HDAC9: variants seen among roughly 807,000 people sequenced by gnomAD.
The protein encoded by HDAC9 is MEF-2 interacting transcription repressor (MITR) protein.
HDAC9 carries 41 observed loss-of-function variants against 139.4 expected under a neutral mutation model. That is an observed-to-expected ratio of 0.29 (90% CI 0.23 to 0.38). The LOEUF is 0.38. HDAC9 is among the 10% of genes least tolerant of loss of function. The probability of loss-of-function intolerance (pLI) is 1.00; values close to 1 mark genes in which losing one functional copy is unlikely to be tolerated. For synonymous variants in HDAC9, 517 were observed against 476.2 expected, an observed-to-expected ratio of 1.09 and a Z score of -1.12; for missense variants, 1,147 against 1,297.0, an observed-to-expected ratio of 0.88 and a Z score of 1.78.
intron 24 of HDAC9, among the ~76,000 whole-genome samples, chr7:18,954,740 T>A (rs1321873507): frequency 6.6e-6 from 1 of 152,040 alleles, no homozygotes; most frequent in Non-Finnish European, 1.5e-5. Context: ...TAAGCACACA[T>A]GGGTGCACAC....
At chr7:18,919,899 G>T (rs1402116945) in intron 22 of HDAC9, among the ~76,000 whole-genome samples, 1 of 152,038 alleles carries the variant, frequency 6.6e-6, no homozygotes, top group Non-Finnish European at 1.5e-5. Flanking sequence ...AGTTACTGTA[G>T]CCTTGTAGTA....
At chr7:18,627,193 C>T (rs1031555556) in intron 6 of HDAC9, among the ~76,000 whole-genome samples, 6 of 152,216 alleles carry the variant, frequency 3.9e-5, no homozygotes, top group Non-Finnish European at 7.3e-5. Flanking sequence ...ACTGAATTCA[C>T]ATCCCTCAAT....
At chr7:18,129,062 T>C (rs1784849137) in intron 1 of HDAC9, among the ~76,000 whole-genome samples, 1 of 152,150 alleles carries the variant, frequency 6.6e-6, no homozygotes, top group African/African-American at 2.4e-5. Flanking sequence ...CTTTCAAATA[T>C]GTTAAAGAGA....
chr7:18,728,509 T>C (rs565673494), intron 13 of HDAC9, among the ~76,000 whole-genome samples: 88 of 152,304 alleles, frequency 5.8e-4, no homozygotes, highest in African/African-American at 2.0e-3. Context: ...TAATTATTTC[T>C]TTTTGTGTAC....
intron 9 of HDAC9, 138 bp from the exon 10 acceptor site, chr7:18,647,647 T>C: frequency 1.5e-6 from 1 of 651,750 alleles, no homozygotes; most frequent in East Asian, 2.8e-5. Flanking sequence ...AAAAGTCCAT[T>C]TTCCCTGCTC....
At chr7:18,967,970 C>T (rs1269835404) in intron 24 of HDAC9, among the ~76,000 whole-genome samples, 2 of 151,838 alleles carry the variant, frequency 1.3e-5, no homozygotes, top group South Asian at 2.1e-4. Flanking sequence ...TGAGACCAGC[C>T]TGACCAACTT....
Position 18,899,506 on chromosome 7 carries a change from A to G in HDAC9, c.2803+24910A>G, listed in dbSNP as rs547318178. ...AATAGTAAGTTTCAACTATGTAACA[A>G]TTAAATAGATCGTACTTCAAAAATT... On this transcript the variant is annotated intron_variant, in intron 22 of 25. Coordinates refer to ENST00000686413, the MANE Select transcript of HDAC9 (RefSeq NM_178425.4). 12 of 152,186 alleles carry G rather than the reference A, an allele frequency of 7.9e-5. No individual in the cohort carries two copies. In the South Asian group the frequency reaches 2.5e-3, roughly 32 times the overall value. The allele number at this position is 152,186 out of a possible 1,614,324, so 9.4% of individuals were successfully genotyped here.
At chr7:18,726,440 A>G (rs1178125) in intron 12 of HDAC9, among the ~76,000 whole-genome samples, 131,542 of 152,170 alleles carry the variant, frequency 0.86, 57,077 homozygotes, top group East Asian at 0.96. Context: ...TGCTAGTCAG[A>G]TAGGAAGCAG....
chr7:18,109,992 G>A (rs1309191946), intron 1 of HDAC9, among the ~76,000 whole-genome samples: 2 of 152,102 alleles, frequency 1.3e-5, no homozygotes, highest in African/African-American at 4.8e-5. Context: ...CCTCAGATCT[G>A]CTCAGAATGA....
intron 1 of HDAC9, among the ~76,000 whole-genome samples, chr7:18,113,488 A>T (rs1399690237): frequency 6.6e-6 from 1 of 152,246 alleles, no homozygotes; most frequent in Non-Finnish European, 1.5e-5. Flanking sequence ...AGATGATCAG[A>T]AATGGGATAT....
At chr7:18,739,703 A>T (rs1787267953) in intron 13 of HDAC9, among the ~76,000 whole-genome samples, 1 of 152,182 alleles carries the variant, frequency 6.6e-6, no homozygotes, top group African/African-American at 2.4e-5. Flanking sequence ...GATGTCTCCC[A>T]GTTTGGCTAC....
intron 17 of HDAC9, among the ~76,000 whole-genome samples, chr7:18,807,715 C>T (rs1225602420): frequency 6.6e-6 from 1 of 151,884 alleles, no homozygotes; most frequent in African/African-American, 2.4e-5. Context: ...GCTTAATTGT[C>T]ACATATTTGT....
At position 18,431,393 on chromosome 7, in the gene HDAC9, C is replaced by T. The variant is rs537847176; in HGVS notation, c.-41-64869C>T. Among the ~76,000 whole-genome samples the T allele has an allele frequency of 3.5e-4, 54 of 152,228 alleles. 1 individual carries two copies. In the South Asian group the frequency reaches 0.01, roughly 29 times the overall value. ...GATGAAGTCATGAGAACTAGGGAAA[C>T]GACTGCCATAATGTAGTCACATCAT... On this transcript the variant is annotated intron_variant, in intron 1 of 3. Transcript: ENST00000413509.
chr7:18,191,899 T>C lies in HDAC9; in HGVS notation c.25+29550T>C, dbSNP rs138905747. Among the ~76,000 whole-genome samples the C allele has an allele frequency of 4.8e-3, 728 of 152,352 alleles. 8 individuals carry two copies. Among genetic ancestry groups the C allele is most frequent in the African/African-American group, 0.017 (705 of 41,586 alleles). On this transcript the variant is annotated intron_variant, in intron 2 of 12. Coordinates refer to the HDAC9 transcript ENST00000417496. ...TGAAATCATTGACAAGCACAAATAC[T>C]GTTAGATTCTATGTCAAGATTGTAT...
intron 1 of HDAC9, among the ~76,000 whole-genome samples, chr7:18,477,406 C>CGTGTGTGTGTGT (rs879309051): frequency 9.9e-5 from 15 of 151,946 alleles, no homozygotes; most frequent in African/African-American, 3.6e-4. Context: ...TGCGTGCGTG[C>CGTGTGTGTGTGT]ATGCGTGTGT....
intron 13 of HDAC9, among the ~76,000 whole-genome samples, chr7:18,732,330 T>C (rs1213335996): frequency 6.6e-6 from 1 of 152,166 alleles, no homozygotes; most frequent in Admixed American, 6.5e-5. Context: ...AATATGTTTA[T>C]ACTTATTTTT....
chr7:18,100,721 G>T (rs1392244886), intron 1 of HDAC9, among the ~76,000 whole-genome samples: 1 of 151,856 alleles, frequency 6.6e-6, no homozygotes, highest in African/African-American at 2.4e-5. Context: ...TTTAGTTCTT[G>T]GTCAATTTTG....
At chr7:18,932,848 A>AAAAGAAAGAAAGAAAG (rs71017014) in intron 22 of HDAC9, among the ~76,000 whole-genome samples, 19,781 of 138,066 alleles carry the variant, frequency 0.14, 1,624 homozygotes, top group Middle Eastern at 0.18. Context: ...AGGAAGGAAA[A>AAAAGAAAGAAAGAAAG]AAAGAAAGAA....
At chr7:18,530,558 G>GA (rs1157361489) in intron 2 of HDAC9, among the ~76,000 whole-genome samples, 3 of 151,640 alleles carry the variant, frequency 2.0e-5, no homozygotes, top group East Asian at 1.9e-4. Flanking sequence ...AAATCTTCTA[G>GA]AAAAAAAAGA....
Sources: allele counts gnomAD v4.1 joint callset (sites outside exome capture counted in the v4.1 genomes callset), GRCh38; gene constraint gnomAD v4.1.1; transcripts MANE v1.5; gene names NCBI Gene and HGNC (gene_info 2026-07-23, HGNC 2026-07-21).